EBF2: variants seen among roughly 807,000 people sequenced by gnomAD.
The protein encoded by EBF2 is EBF transcription factor 2.
In EBF2, 21 loss-of-function variants were observed where a neutral mutation model predicts 72.8. The observed-to-expected ratio is 0.29, with a 90% confidence interval of 0.20 to 0.42. The LOEUF (loss-of-function observed/expected upper bound fraction) is 0.42, where lower values mean the gene tolerates loss of function less well. Among genes scored for constraint, EBF2 ranks in the 10% least tolerant of loss-of-function variants. The pLI is 1.00. For synonymous variants in EBF2, 299 were observed against 274.2 expected (o/e 1.09, Z -0.89); for missense variants, 637 against 731.2 (o/e 0.87, Z 1.49).
chr8:25,886,801 T>G lies in EBF2; in HGVS notation c.963A>C (p.Lys321Asn), dbSNP rs780171954. Residue 321 changes from lysine (K) to asparagine (N), a missense_variant, in exon 10 of 16, where the codon AAA becomes AAC. This residue lies in a region of EBF2 where 204 missense variants were observed against 301.2 expected (regional missense o/e 0.68). Transcript: ENST00000520164. ...PGVVEVTLSYKSKQFCKGAPG... is the reference protein window; with the variant it reads ...PGVVEVTLSYNSKQFCKGAPG... ...GGGCTCCTTTGCAGAACTGTTTAGA[T>G]TTATAAGATAATGTCACCTCTACCA... 1.2e-6 allele frequency: 2 copies of G among 1,613,324 alleles called. No individual in the cohort carries two copies. The highest frequency in any genetic ancestry group is 3.3e-5 in the Admixed American group (2 of 59,930).
At chr8:25,999,263 A>G (rs866039489) in intron 6 of EBF2, among the ~76,000 whole-genome samples, 1 of 152,100 alleles carries the variant, frequency 6.6e-6, no homozygotes, top group Non-Finnish European at 1.5e-5. Flanking sequence ...ATTTTTGTCT[A>G]TTTTCTTCTC....
intron 6 of EBF2, among the ~76,000 whole-genome samples, chr8:25,934,567 C>T (rs892960131): frequency 6.6e-6 from 1 of 152,156 alleles, no homozygotes; most frequent in Admixed American, 6.5e-5. Context: ...CTGTCCATGT[C>T]GTATCACAAG....
In EBF2 at chr8:26,044,116, C is replaced by A. The variant is rs546998836; in HGVS notation, c.131+613G>T. 1.3e-4 allele frequency among the ~76,000 whole-genome samples: 20 copies of A among 152,380 alleles called. 1 individual carries two copies. In the South Asian group the frequency reaches 4.1e-3, roughly 32 times the overall value. On this transcript the variant is annotated intron_variant, in intron 1 of 15. Coordinates refer to ENST00000520164, the MANE Select transcript of EBF2 (RefSeq NM_022659.4). This position sits in a 1 kb window ranked among gnomAD's most constrained non-coding sequence, Gnocchi z 4.1. ...TTTTCTCCAGTTCCCTAGCTCCGTT[C>A]GTCTGGCTCACTGTTTTATCTTTGA...
At chr8:26,033,245 C>G (rs1805438519) in intron 5 of EBF2, 92 bp from the exon 6 acceptor site, 2 of 1,273,192 alleles carry the variant, frequency 1.6e-6, no homozygotes, top group Admixed American at 1.8e-5. Flanking sequence ...TCCCCCCAGA[C>G]AGAGTCTGGC....
chr8:25,994,563 A>G (rs1440635833), intron 6 of EBF2, among the ~76,000 whole-genome samples: 1 of 152,234 alleles, frequency 6.6e-6, no homozygotes, highest in Non-Finnish European at 1.5e-5. Context: ...TGAACTGGAT[A>G]AGGAAAAGGT....
chr8:26,010,382 G>A (rs1804958372), intron 6 of EBF2, among the ~76,000 whole-genome samples: 1 of 152,196 alleles, frequency 6.6e-6, no homozygotes, highest in Non-Finnish European at 1.5e-5. Context: ...TGACAGCTTG[G>A]AACGGCACAA....
In EBF2 at chr8:25,887,968, G is replaced by C. The variant is rs1003598705; in HGVS notation, c.756C>G (p.Thr252=). 6.2e-7 allele frequency: 1 copy of C among 1,607,064 alleles called. No individual in the cohort carries two copies. Among genetic ancestry groups the C allele is most frequent in the Non-Finnish European group, 8.5e-7 (1 of 1,177,252 alleles). ...TCGGGCTAATGGCTTTGATGCAGGG[G>C]GTAGCTAAGAAGACAGGAAAGAAAA... ...RARRLDPSEA[T]PCIKAISPSE... The change falls in exon 9 of 16, where the codon ACC becomes ACG. Residue 252 remains threonine (T), a synonymous_variant. Coordinates refer to ENST00000520164, the MANE Select transcript of EBF2 (RefSeq NM_022659.4).
chr8:25,976,192 C>A (rs983174238), intron 6 of EBF2, among the ~76,000 whole-genome samples: 1 of 152,182 alleles, frequency 6.6e-6, no homozygotes, highest in Non-Finnish European at 1.5e-5. Context: ...ATGTCTTCAT[C>A]GCTTTTCATA....
intron 10 of EBF2, among the ~76,000 whole-genome samples, chr8:25,878,311 AC>A (rs1802554653): frequency 6.6e-6 from 1 of 152,124 alleles, no homozygotes; most frequent in South Asian, 2.1e-4. Flanking sequence ...GCAGTGAAGC[AC>A]TCCAGGCGTC....
intron 14 of EBF2, 130 bp downstream of exon 14, chr8:25,858,189 T>TAATC: frequency 1.1e-5 from 13 of 1,167,998 alleles, no homozygotes; most frequent in Non-Finnish European, 1.6e-5. Flanking sequence ...GAAGGATGCT[T>TAATC]AATCAGGAAA....
At chr8:26,038,531 C>A (rs957874720) in intron 5 of EBF2, among the ~76,000 whole-genome samples, 1 of 152,082 alleles carries the variant, frequency 6.6e-6, no homozygotes, top group Non-Finnish European at 1.5e-5. Context: ...GTTTTCTTTC[C>A]TTTTCAGGAG....
intron 6 of EBF2, among the ~76,000 whole-genome samples, chr8:25,932,343 C>T (rs1042801692): frequency 6.7e-6 from 1 of 149,330 alleles, no homozygotes; most frequent in Non-Finnish European, 1.5e-5. Context: ...TGCAATTCAG[C>T]AACTCTCAAT....
chr8:25,985,435 G>A (rs1223023911), intron 6 of EBF2, among the ~76,000 whole-genome samples: 5 of 152,112 alleles, frequency 3.3e-5, no homozygotes, highest in African/African-American at 9.7e-5. Flanking sequence ...AGTCAGCCTC[G>A]CTCTAATGAC....
In EBF2 at chr8:25,889,869, C is replaced by T; in HGVS notation, c.634G>A (p.Val212Ile). 2 of 1,612,984 alleles carry T rather than the reference C, an allele frequency of 1.2e-6. No homozygotes were observed. The highest frequency in any genetic ancestry group is 1.7e-6 in the Non-Finnish European group (2 of 1,179,156). The change falls in exon 8 of 16, where the codon GTT (valine) becomes ATT (isoleucine). Residue 212 changes from valine to isoleucine, a missense_variant and splice_region_variant. Val to Ile is a conservative substitution (Grantham distance 29). Coordinates refer to ENST00000520164, the MANE Select transcript of EBF2 (RefSeq NM_022659.4). ...ACATTCACCGTTGTTGACAACACAA[C>T]CTGCATATTTAAAGTAAAAAGGAGA... is the stretch of plus-strand genomic sequence containing the variant. ...GNPRDMRRFQVVLSTTVNVDG... is the reference protein window; with the variant it reads ...GNPRDMRRFQIVLSTTVNVDG...
chr8:25,944,571 T>C (rs900892065), intron 6 of EBF2, among the ~76,000 whole-genome samples: 2 of 149,024 alleles, frequency 1.3e-5, no homozygotes, highest in Non-Finnish European at 3.0e-5. Flanking sequence ...ATTTATATAT[T>C]GAATATATTA....
chr8:25,967,828 A>T (rs1412181216), intron 6 of EBF2, among the ~76,000 whole-genome samples: 2 of 152,226 alleles, frequency 1.3e-5, no homozygotes, highest in African/African-American at 4.8e-5. Flanking sequence ...TTAATCTCTC[A>T]GCCTCAGGAC....
chr8:26,032,138 G>C (rs1001319915), intron 6 of EBF2: 44 of 152,292 alleles, frequency 2.9e-4, no homozygotes, highest in African/African-American at 1.0e-3. Flanking sequence ...AAGATGCTGA[G>C]TGCTTTGTCC....
chr8:26,008,171 C>T (rs1804913366), intron 6 of EBF2, among the ~76,000 whole-genome samples: 1 of 151,920 alleles, frequency 6.6e-6, no homozygotes, highest in Non-Finnish European at 1.5e-5. Flanking sequence ...TCTATGTTTC[C>T]CAAGCAGTAT....
intron 6 of EBF2, among the ~76,000 whole-genome samples, chr8:25,966,583 A>G (rs1804119419): frequency 6.6e-6 from 1 of 152,246 alleles, no homozygotes; most frequent in Non-Finnish European, 1.5e-5. Flanking sequence ...AGTATAGGAC[A>G]GAGGTTTCTG....
Sources: gnomAD v4.1 joint callset for allele counts (sites outside exome capture counted in the v4.1 genomes callset) on GRCh38, gnomAD v4.1.1 for gene constraint, gnomAD v4.1.1 regional missense constraint, Gnocchi (gnomAD v3.1) non-coding constraint, MANE v1.5 for transcripts, NCBI Gene and HGNC (gene_info 2026-07-23, HGNC 2026-07-21) for gene names.